The following INPP4B variants were observed in gnomAD, a reference collection of about 807,000 sequenced individuals.
INPP4B encodes inositol polyphosphate 4-phosphatase type II.
INPP4B carries 55 observed loss-of-function variants against 122.5 expected under a neutral mutation model. That is an observed-to-expected ratio of 0.45 (90% CI 0.36 to 0.56). The LOEUF (loss-of-function observed/expected upper bound fraction) is 0.56. Among genes scored for constraint, INPP4B ranks in the 20% least tolerant of loss-of-function variants. The probability of loss-of-function intolerance (pLI) is 0.00; values close to 1 mark genes in which losing one functional copy is unlikely to be tolerated. For missense variants in INPP4B, 1,000 were observed against 1,097.7 expected (o/e 0.91, Z 1.26); for synonymous variants, 403 against 388.7 (o/e 1.04, Z -0.43).
intron 9 of INPP4B, among the ~76,000 whole-genome samples, chr4:142,277,670 C>T (rs28742217): frequency 1.1e-4 from 11 of 102,250 alleles, no homozygotes; most frequent in Admixed American, 2.4e-4. Flanking sequence ...AAATATCATA[C>T]ACACACACAC....
intron 1 of INPP4B, among the ~76,000 whole-genome samples, chr4:142,788,776 G>A (rs540864085): frequency 6.6e-6 from 1 of 152,164 alleles, no homozygotes; most frequent in Admixed American, 6.6e-5. Flanking sequence ...ATCTCATCCA[G>A]GTTGCTGTGA....
At chr4:142,053,271 T>C (rs2645797) in intron 25 of INPP4B, among the ~76,000 whole-genome samples, 120,848 of 151,688 alleles carry the variant, frequency 0.8, 50,969 homozygotes, top group Non-Finnish European at 0.92. Context: ...GAACTGCTCT[T>C]AAGCAGCTGG....
At chr4:142,260,110 G>C (rs1432401939) in intron 11 of INPP4B, among the ~76,000 whole-genome samples, 1 of 152,136 alleles carries the variant, frequency 6.6e-6, no homozygotes, top group African/African-American at 2.4e-5. Flanking sequence ...TCAGCCTTCA[G>C]AATTGCTGGG....
At chr4:142,824,026 G>A (rs1561110784) in intron 1 of INPP4B, among the ~76,000 whole-genome samples, 1 of 152,098 alleles carries the variant, frequency 6.6e-6, no homozygotes, top group Non-Finnish European at 1.5e-5. Flanking sequence ...GAAATACACA[G>A]TCATTCTTTC....
chr4:142,178,322 T>C (rs1829263313), intron 15 of INPP4B, among the ~76,000 whole-genome samples: 1 of 152,236 alleles, frequency 6.6e-6, no homozygotes, highest in Admixed American at 6.5e-5. Context: ...ACCACTAGGA[T>C]TATTGTAATA....
At chr4:142,650,053 G>A (rs2150529635) in intron 2 of INPP4B, among the ~76,000 whole-genome samples, 1 of 152,306 alleles carries the variant, frequency 6.6e-6, no homozygotes, top group Non-Finnish European at 1.5e-5. Context: ...TAGAGTGGGG[G>A]CTAATATTCA....
At chr4:142,264,414 T>G (rs1040292375) in intron 10 of INPP4B, among the ~76,000 whole-genome samples, 9 of 152,224 alleles carry the variant, frequency 5.9e-5, no homozygotes, top group African/African-American at 2.2e-4. Context: ...GGATACATAA[T>G]GCAACATTCA....
At chr4:142,792,366 T>A (rs949379951) in intron 1 of INPP4B, among the ~76,000 whole-genome samples, 5 of 152,204 alleles carry the variant, frequency 3.3e-5, no homozygotes, top group Non-Finnish European at 7.4e-5. Context: ...TCATTCATAT[T>A]TCTCAGTGAA....
intron 1 of INPP4B, among the ~76,000 whole-genome samples, chr4:142,828,263 A>G (rs573276867): frequency 8.8e-4 from 134 of 152,276 alleles, no homozygotes; most frequent in Non-Finnish European, 1.8e-3. Context: ...ATAGATATTA[A>G]GGCCTTAAAT....
At chr4:142,231,325 C>T (rs1854268361) in intron 12 of INPP4B, among the ~76,000 whole-genome samples, 1 of 152,230 alleles carries the variant, frequency 6.6e-6, no homozygotes, top group Admixed American at 6.5e-5. Flanking sequence ...CTCAATTTTA[C>T]ATATGTGTAT....
intron 2 of INPP4B, among the ~76,000 whole-genome samples, chr4:142,678,712 G>A (rs976035500): frequency 6.6e-6 from 1 of 151,846 alleles, no homozygotes; most frequent in Non-Finnish European, 1.5e-5. Context: ...GTTTTGAACT[G>A]GAAGAAATGC....
intron 1 of INPP4B, among the ~76,000 whole-genome samples, chr4:142,747,027 C>A (rs574262582): frequency 1.3e-5 from 2 of 152,216 alleles, no homozygotes; most frequent in African/African-American, 4.8e-5. Flanking sequence ...AAAATGGGAT[C>A]TAATTAAACT....
intron 1 of INPP4B, among the ~76,000 whole-genome samples, chr4:142,840,336 G>A (rs1783327335): frequency 6.6e-6 from 1 of 152,162 alleles, no homozygotes; most frequent in Non-Finnish European, 1.5e-5. Context: ...GATGCTGTGA[G>A]GGGATTAGGA....
intron 1 of INPP4B, among the ~76,000 whole-genome samples, chr4:142,838,197 T>C (rs547647016): frequency 6.6e-6 from 1 of 152,056 alleles, no homozygotes; most frequent in African/African-American, 2.4e-5. Flanking sequence ...CACACACATA[T>C]CTAAACTTAT....
At chr4:142,362,331 G>C (rs1444532766) in intron 7 of INPP4B, among the ~76,000 whole-genome samples, 1 of 151,922 alleles carries the variant, frequency 6.6e-6, no homozygotes, top group Non-Finnish European at 1.5e-5. Flanking sequence ...TTATGACTCA[G>C]TTTGGAATAA....
At chr4:142,361,240 A>G (rs947198459) in intron 7 of INPP4B, among the ~76,000 whole-genome samples, 1 of 152,002 alleles carries the variant, frequency 6.6e-6, no homozygotes, top group African/African-American at 2.4e-5. Flanking sequence ...AAATCCACTC[A>G]GTAGATTCCT....
At chr4:142,675,034 T>C (rs780613872) in intron 2 of INPP4B, among the ~76,000 whole-genome samples, 7 of 151,948 alleles carry the variant, frequency 4.6e-5, no homozygotes, top group East Asian at 3.9e-4. Flanking sequence ...GATAGAGACA[T>C]GAAAAACCCT....
At chr4:142,263,639 A>ATAT (rs1741226592) in intron 10 of INPP4B, among the ~76,000 whole-genome samples, 3 of 41,808 alleles carry the variant, frequency 7.2e-5, no homozygotes, top group Non-Finnish European at 1.9e-4. Flanking sequence ...AAATTCGTAA[A>ATAT]ATATATATAT....
At chr4:142,806,061 C>G (rs1561089552) in intron 1 of INPP4B, among the ~76,000 whole-genome samples, 1 of 151,970 alleles carries the variant, frequency 6.6e-6, no homozygotes, top group Non-Finnish European at 1.5e-5. Flanking sequence ...GGGCGGATCA[C>G]GAGGTCAGGA....
Sources: gnomAD v4.1 joint callset for allele counts (sites outside exome capture counted in the v4.1 genomes callset) on GRCh38, gnomAD v4.1.1 for gene constraint, MANE v1.5 for transcripts, NCBI Gene and HGNC (gene_info 2026-07-23, HGNC 2026-07-21) for gene names.